Variants in LAP3 observed in about 807,000 individuals in gnomAD.
The protein encoded by LAP3 is leucine aminopeptidase 3.
LAP3 carries 46 observed loss-of-function variants against 58.8 expected under a neutral mutation model. That is an observed-to-expected ratio of 0.78 (90% CI 0.62 to 1.00). The LOEUF (loss-of-function observed/expected upper bound fraction) is 1.00. LAP3 is among the 50% of genes least tolerant of loss of function. LAP3 has a pLI of 0.00. For missense variants in LAP3, 615 were observed against 659.1 expected (o/e 0.93, Z 0.73); for synonymous variants, 257 against 237.7 (o/e 1.08, Z -0.75).
chr4:17,605,655 C>T (rs1179974712), intron 11 of LAP3, among the ~76,000 whole-genome samples: 1 of 152,188 alleles, frequency 6.6e-6, no homozygotes, highest in East Asian at 1.9e-4. Context: ...TCATCATTCA[C>T]GAAGCCCAAT....
At chr4:17,595,336 C>G in intron 7 of LAP3, 74 bp from the exon 8 acceptor site, 1 of 1,561,790 alleles carries the variant, frequency 6.4e-7, no homozygotes. Context: ...CCGTGCCCAT[C>G]TGTACTTTTT....
intron 6 of LAP3, among the ~76,000 whole-genome samples, chr4:17,586,571 C>T (rs1713520477): frequency 6.6e-6 from 1 of 152,146 alleles, no homozygotes; most frequent in Non-Finnish European, 1.5e-5. Context: ...GGTCCTTGTC[C>T]TTGCAGAAAG....
intron 2 of LAP3, among the ~76,000 whole-genome samples, chr4:17,580,801 G>A (rs1268546964): frequency 6.6e-6 from 1 of 152,118 alleles, no homozygotes; most frequent in Admixed American, 6.5e-5. Flanking sequence ...CTGATGGTAG[G>A]GAAACATTGT....
At position 17,607,628 on chromosome 4, in the gene LAP3, G is replaced by A; in HGVS notation, c.*39G>A. On this transcript the variant is annotated 3_prime_UTR_variant, in exon 13 of 13. Transcript: ENST00000226299. ...AAATGTCTTCACTCTGTCTTAAATT[G>A]GACAGTTGAACTTAAAAGGTTTTTG... The A allele has an allele frequency of 6.9e-7, 1 of 1,446,456 alleles. No homozygotes were observed. The highest frequency in any genetic ancestry group is 9.3e-7 in the Non-Finnish European group (1 of 1,073,626). The allele number at this position is 1,446,456 out of a possible 1,614,324, so 89.6% of individuals were successfully genotyped here.
chr4:17,587,484 A>G (rs1560343681), intron 6 of LAP3: 2 of 150,176 alleles, frequency 1.3e-5, no homozygotes, highest in Non-Finnish European at 3.0e-5. Context: ...CCGATTTAAA[A>G]TTTTTTTCCC....
In LAP3 at chr4:17,593,908, C is replaced by T. The variant is rs931696689; in HGVS notation, c.864-1502C>T. On this transcript the variant is annotated intron_variant, in intron 7 of 12. Coordinates refer to ENST00000226299, the MANE Select transcript of LAP3 (RefSeq NM_015907.3). ...GATTACAGGCGTGAGCCACCACACTCGGTGAATCTGCTTGTTTTTTCACAC... is the reference window on the plus strand; with the variant it reads ...GATTACAGGCGTGAGCCACCACACTTGGTGAATCTGCTTGTTTTTTCACAC... Among the ~76,000 whole-genome samples the T allele has an allele frequency of 3.9e-5, 6 of 152,038 alleles. No individual in the cohort carries two copies. The East Asian group carries it at 5.8e-4, about 15-fold the overall frequency.
intron 10 of LAP3, among the ~76,000 whole-genome samples, chr4:17,602,566 C>G (rs906419670): frequency 6.6e-6 from 1 of 152,192 alleles, no homozygotes; most frequent in African/African-American, 2.4e-5. Context: ...AGTCTTATAG[C>G]AGTACTTAGA....
chr4:17,595,279 C>G, intron 7 of LAP3, 131 bp from the exon 8 acceptor site: 1 of 908,102 alleles, frequency 1.1e-6, no homozygotes, highest in Non-Finnish European at 1.6e-6. Flanking sequence ...ACCTCGTGAT[C>G]CGCCCACCTC....
chr4:17,582,299 C>T lies in LAP3; in HGVS notation c.285C>T (p.Ser95=), dbSNP rs144708913. Residue 95 remains serine, a synonymous_variant, in exon 4 of 13, where the codon AGC becomes AGT. Transcript: ENST00000226299. ...TFYGLHQDFP[S]VVLVGLGKKA... ...TATCTGTGGGACAGGACTTCCCCAGCGTGGTGCTAGTTGGCCTCGGCAAAA... is the reference window on the plus strand; with the variant it reads ...TATCTGTGGGACAGGACTTCCCCAGTGTGGTGCTAGTTGGCCTCGGCAAAA... 15 of 1,613,674 alleles carry T rather than the reference C, an allele frequency of 9.3e-6. No individual in the cohort carries two copies. The highest frequency in any genetic ancestry group is 2.2e-5 in the South Asian group (2 of 91,054).
intron 7 of LAP3, among the ~76,000 whole-genome samples, chr4:17,590,367 T>TGTG (rs1479411051): frequency 1.3e-5 from 2 of 152,156 alleles, no homozygotes; most frequent in Non-Finnish European, 2.9e-5. Context: ...TTGCTGTCAG[T>TGTG]GTGGTCTCCT....
At chr4:17,600,609 G>C (rs1200989571) in intron 10 of LAP3, among the ~76,000 whole-genome samples, 3 of 152,144 alleles carry the variant, frequency 2.0e-5, no homozygotes. Flanking sequence ...GGGTTGAGAA[G>C]GTGGGAAAGT....
chr4:17,585,368 T>C, intron 6 of LAP3: 1 of 352,636 alleles, frequency 2.8e-6, no homozygotes, highest in Non-Finnish European at 5.3e-6. Flanking sequence ...GTATATTTCA[T>C]AACTGTGTTA....
intron 7 of LAP3, among the ~76,000 whole-genome samples, chr4:17,591,184 C>G (rs184133238): frequency 6.6e-6 from 1 of 152,182 alleles, no homozygotes; most frequent in African/African-American, 2.4e-5. Flanking sequence ...TCAAGTGATT[C>G]TCCTGCCTGA....
intron 7 of LAP3, among the ~76,000 whole-genome samples, chr4:17,590,651 A>C (rs1359485588): frequency 6.6e-6 from 1 of 151,508 alleles, no homozygotes; most frequent in African/African-American, 2.4e-5. Flanking sequence ...GGCTCACTGC[A>C]AGCTCCGCCT....
At chr4:17,581,207 C>T (rs1333738335) in intron 2 of LAP3, among the ~76,000 whole-genome samples, 1 of 152,224 alleles carries the variant, frequency 6.6e-6, no homozygotes, top group Non-Finnish European at 1.5e-5. Flanking sequence ...CATAGATATA[C>T]AACCTCCAAG....
chr4:17,588,150 C>G (rs1713577847), intron 6 of LAP3, among the ~76,000 whole-genome samples: 1 of 151,932 alleles, frequency 6.6e-6, no homozygotes, highest in East Asian at 1.9e-4. Context: ...GTCTTAGCCT[C>G]TGCAGTAGCT....
At chr4:17,605,812 T>A (rs1018418311) in intron 11 of LAP3, among the ~76,000 whole-genome samples, 2 of 150,626 alleles carry the variant, frequency 1.3e-5, no homozygotes, top group East Asian at 1.9e-4. Context: ...ATTTAAGCTT[T>A]AAAAAAAAAA....
chr4:17,589,660 G>A (rs1713627240), intron 7 of LAP3, among the ~76,000 whole-genome samples: 1 of 151,812 alleles, frequency 6.6e-6, no homozygotes, highest in Non-Finnish European at 1.5e-5. Flanking sequence ...AGTTTTCACT[G>A]TGTTGCCCAA....
Position 17,607,458 on chromosome 4 carries a change from TG to T in LAP3, c.1432del (p.Ala478HisfsTer3). 1 of 1,614,046 alleles carries T rather than the reference TG, an allele frequency of 6.2e-7. No homozygotes were observed. The highest frequency in any genetic ancestry group is 8.5e-7 in the Non-Finnish European group (1 of 1,180,024). ...GAAAGAATTCGTAACTCATCCTAAGTGGGCACATTTAGACATAGCAGGCGTG... is the reference window on the plus strand; with the variant it reads ...GAAAGAATTCGTAACTCATCCTAAGTGGCACATTTAGACATAGCAGGCGTG... Reference protein sequence around the residue: ...FLKEFVTHPKWAHLDIAGVMT... With the variant: ...FLKEFVTHPKXAHLDIAGVMT... On this transcript the variant is annotated frameshift_variant, in exon 13 of 13. Transcript: ENST00000226299. LOFTEE classifies it high-confidence loss of function.
Sources: allele counts gnomAD v4.1 joint callset (sites outside exome capture counted in the v4.1 genomes callset), GRCh38; gene constraint gnomAD v4.1.1; transcripts MANE v1.5; gene names NCBI Gene and HGNC (gene_info 2026-07-23, HGNC 2026-07-21).